Variants in ANO7 observed in about 807,000 individuals in gnomAD.
ANO7 encodes the protein anoctamin-7.
In ANO7, 114 loss-of-function variants were observed where a neutral mutation model predicts 115.8. The observed-to-expected ratio is 0.98, with a 90% CI of 0.85 to 1.15. The LOEUF is 1.15. Ranked by LOEUF, ANO7 falls within the 50% of genes most tolerant of loss-of-function variation. The pLI is 0.00. For synonymous variants in ANO7, 550 were observed against 498.2 expected (o/e 1.10, Z -1.38); for missense variants, 1,302 against 1,201.2 (o/e 1.08, Z -1.24).
In ANO7 at chr2:241,201,690, G is replaced by A. The variant is rs140291198; in HGVS notation, c.612+335G>A. On this transcript the variant is annotated intron_variant, in intron 7 of 24. Transcript: ENST00000674324. ...GGGAGCAGACCTGCCCTGCAGCGTCGGAGGAAGGGTGGCCCCAGGCGGGGC... is the reference window on the plus strand; with the variant it reads ...GGGAGCAGACCTGCCCTGCAGCGTCAGAGGAAGGGTGGCCCCAGGCGGGGC... 5.4e-3 allele frequency among the ~76,000 whole-genome samples: 826 copies of A among 152,346 alleles called. 3 individuals carry two copies. Among genetic ancestry groups the A allele is most frequent in the African/African-American group, 0.018 (767 of 41,586 alleles).
chr2:241,218,738 C>T (rs567557336), intron 21 of ANO7, among the ~76,000 whole-genome samples: 1 of 152,288 alleles, frequency 6.6e-6, no homozygotes, highest in African/African-American at 2.4e-5. Context: ...CAGAGCGGAG[C>T]TCGCCGAAAA....
At chr2:241,229,517 C>G, downstream of ANO7, 1 of 1,000,588 alleles carries the variant, frequency 1.0e-6, no homozygotes, top group South Asian at 1.5e-5. Context: ...ACGGAGGGTC[C>G]AGCCGCTGGG....
At chr2:241,214,630 C>G (rs1196549971) in intron 17 of ANO7, among the ~76,000 whole-genome samples, 175 bp from the exon 18 acceptor site, 1 of 152,190 alleles carries the variant, frequency 6.6e-6, no homozygotes, top group Non-Finnish European at 1.5e-5. Context: ...CTGGGGGCTC[C>G]TGTGAGGTCG....
At chr2:241,201,233 C>T in intron 6 of ANO7, 65 bp from the exon 7 acceptor site, 2 of 1,502,614 alleles carry the variant, frequency 1.3e-6, no homozygotes, top group Non-Finnish European at 1.7e-6. Context: ...TTCCTCCAAA[C>T]CTTCTGCACC....
chr2:241,212,215 C>A lies in ANO7; in HGVS notation c.1673+10C>A. 6.2e-7 allele frequency: 1 copy of A among 1,601,646 alleles called. No homozygotes were observed. The highest frequency in any genetic ancestry group is 8.6e-7 in the Non-Finnish European group (1 of 1,168,652). On this transcript the variant is annotated intron_variant, in intron 16 of 24. Coordinates refer to ENST00000674324, the MANE Select transcript of ANO7 (RefSeq NM_001370694.2). ...CCTTCTTCAAGGGCAGGTTGGTGGG[C>A]ACCTCTCCCTCTGGCCACAGCTTGT...
Position 241,215,298 on chromosome 2 carries a change from A to G in ANO7, c.1826+396A>G, listed in dbSNP as rs112985208. Among the ~76,000 whole-genome samples the G allele has an allele frequency of 6.7e-3, 1,020 of 152,340 alleles. 12 individuals are homozygous for G. Among genetic ancestry groups the G allele is most frequent in the African/African-American group, 0.023 (959 of 41,582 alleles). ...AGAGGGAGGAGGAAAAGGAGGTCCC[A>G]GGGTTGATCCTCAGACACACGTCTG... On this transcript the variant is annotated intron_variant, in intron 18 of 24. Transcript: ENST00000674324.
intron 10 of ANO7, among the ~76,000 whole-genome samples, chr2:241,206,735 CAT>C (rs200228136): frequency 3.1e-4 from 9 of 28,626 alleles, no homozygotes; most frequent in Non-Finnish European, 4.3e-4. Flanking sequence ...CCCAGGCTGA[CAT>C]AGGTGGACAG....
chr2:241,197,468 C>T (rs971614603), intron 4 of ANO7, among the ~76,000 whole-genome samples: 2 of 152,118 alleles, frequency 1.3e-5, no homozygotes, highest in African/African-American at 2.4e-5. Context: ...TCTCTGCAGC[C>T]TCAATCTCCC....
Position 241,223,265 on chromosome 2 carries a change from A to G in ANO7, c.2401A>G (p.Ile801Val). 1 of 1,614,150 alleles carries G rather than the reference A, an allele frequency of 6.2e-7. No homozygotes were observed. The highest frequency in any genetic ancestry group is 1.7e-5 in the Admixed American group (1 of 60,024). ...NLLAIRLAFV[I>V]VFEHVVFSVG... is the part of the protein sequence containing the mutation. ...TCTTGCCATCCGCCTGGCCTTCGTC[A>G]TTGTGTTTGAGGTAGCCGAGGCACC... Residue 801 changes from isoleucine to valine, a missense_variant, in exon 22 of 25, where the codon ATT (isoleucine) becomes GTT (valine). Transcript: ENST00000674324.
intron 22 of ANO7, 159 bp from the exon 23 acceptor site, chr2:241,223,503 C>A: frequency 8.2e-7 from 1 of 1,214,860 alleles, no homozygotes; most frequent in Non-Finnish European, 1.2e-6. Context: ...GCCACGAAAG[C>A]TGGGGTGGCC....
chr2:241,202,548 C>A (rs1161027617), intron 8 of ANO7, among the ~76,000 whole-genome samples: 1 of 152,236 alleles, frequency 6.6e-6, no homozygotes, highest in Non-Finnish European at 1.5e-5. Context: ...CGGGAACAGG[C>A]CGGTCCCTGG....
chr2:241,209,152 C>G, intron 11 of ANO7, 133 bp from the exon 12 acceptor site: 1 of 1,172,272 alleles, frequency 8.5e-7, no homozygotes, highest in South Asian at 1.6e-5. Flanking sequence ...CCGTCTCAAG[C>G]AAACAAACAA....
intron 3 of ANO7, 75 bp downstream of exon 3, chr2:241,191,326 G>A (rs1213537275): frequency 5.7e-6 from 9 of 1,574,646 alleles, no homozygotes; most frequent in Non-Finnish European, 7.0e-6. Flanking sequence ...TGCCCCCAGG[G>A]GCAGCAGGCT....
chr2:241,237,532 G>C, the ANO7 span, among the ~76,000 whole-genome samples: 2 of 152,206 alleles, frequency 1.3e-5, no homozygotes, highest in African/African-American at 4.8e-5. Context: ...GTGATCCTAG[G>C]ATGGGGAAGT....
chr2:241,192,945 G>A (rs896668788), intron 3 of ANO7, among the ~76,000 whole-genome samples: 4 of 152,186 alleles, frequency 2.6e-5, no homozygotes, highest in South Asian at 2.1e-4. Flanking sequence ...CTTAATGGGC[G>A]TAGGGATTCA....
At chr2:241,235,450 G>C in the ANO7 span, 2 of 1,528,460 alleles carry the variant, frequency 1.3e-6, no homozygotes, top group Non-Finnish European at 1.8e-6. Context: ...GGATGCGACA[G>C]GCCACTCCTG....
intron 18 of ANO7, 69 bp from the exon 19 acceptor site, chr2:241,216,024 C>A: frequency 6.5e-7 from 1 of 1,529,538 alleles, no homozygotes; most frequent in South Asian, 1.3e-5. Flanking sequence ...CACATCTCCC[C>A]CAAGGACTAT....
downstream of ANO7, chr2:241,230,117 G>C: frequency 2.5e-6 from 4 of 1,586,774 alleles, no homozygotes; most frequent in Non-Finnish European, 3.5e-6. This position sits in a 1 kb window ranked among gnomAD's most constrained non-coding sequence, Gnocchi z 5.0. Flanking sequence ...GGACGTGCCA[G>C]GGCGCCTCAG....
At chr2:241,211,144 G>C (rs1367386395) in intron 15 of ANO7, among the ~76,000 whole-genome samples, 3 of 152,104 alleles carry the variant, frequency 2.0e-5, no homozygotes, top group African/African-American at 7.2e-5. Context: ...AAAGACCCTG[G>C]GGGCACTCCA....
Sources: allele counts gnomAD v4.1 joint callset (sites outside exome capture counted in the v4.1 genomes callset), GRCh38; gene constraint gnomAD v4.1.1; non-coding constraint Gnocchi (gnomAD v3.1); transcripts MANE v1.5; gene names NCBI Gene and HGNC (gene_info 2026-07-23, HGNC 2026-07-21).